The following SKIL variants were observed in gnomAD, a reference collection of about 807,000 sequenced individuals.
The protein encoded by SKIL is ski-like protein.
Under a neutral mutation model 69.6 loss-of-function variants are expected in SKIL, and 20 were observed. That is an observed-to-expected ratio of 0.29 (90% CI 0.20 to 0.42). The LOEUF (loss-of-function observed/expected upper bound fraction) is 0.42, where lower values mean the gene tolerates loss of function less well. Among genes scored for constraint, SKIL ranks in the 10% least tolerant of loss-of-function variants. The pLI is 1.00. For missense variants in SKIL, 745 were observed against 783.1 expected (o/e 0.95, Z 0.58); for synonymous variants, 310 against 279.9 (o/e 1.11, Z -1.08).
chr3:170,377,512 T>C (rs796491183), intron 2 of SKIL, among the ~76,000 whole-genome samples: 4 of 151,010 alleles, frequency 2.6e-5, no homozygotes, highest in African/African-American at 9.7e-5. Flanking sequence ...TGAGGTCTTA[T>C]TAGTATTTCA....
At chr3:170,384,035 G>GC (rs1419246034) in intron 3 of SKIL, among the ~76,000 whole-genome samples, 40 of 113,618 alleles carry the variant, frequency 3.5e-4, no homozygotes, top group African/African-American at 1.4e-3. Flanking sequence ...GAAATTACTT[G>GC]CCAAAAAAAA....
In SKIL at chr3:170,393,732, T is replaced by C. The variant is rs1486391122; in HGVS notation, c.*1315T>C. On this transcript the variant is annotated 3_prime_UTR_variant, in exon 7 of 7. Transcript: ENST00000259119. ...TAATTGACATTATTACCCCATGGAT[T>C]TTATGGGATAATAAATGTTTTTCAT... 6.6e-6 allele frequency: 1 copy of C among 152,182 alleles called. No homozygotes were observed. The highest frequency in any genetic ancestry group is 2.4e-5 in the African/African-American group (1 of 41,456). The allele number at this position is 152,182 out of a possible 1,614,324, so 9.4% of individuals were successfully genotyped here.
rs1183997173 is a variant in SKIL, at chr3:170,396,343, T to A, written c.*3926T>A. ...GTAGGACATCTTTTGAGGAATTAGT[T>A]TATGAGAAATAAAATTTTACTTGTT... On this transcript the variant is annotated 3_prime_UTR_variant, in exon 7 of 7. Coordinates refer to ENST00000259119, the MANE Select transcript of SKIL (RefSeq NM_005414.5). The A allele has an allele frequency of 1.3e-5, 2 of 152,148 alleles. No individual in the cohort carries two copies. Among genetic ancestry groups the A allele is most frequent in the Non-Finnish European group, 2.9e-5 (2 of 67,994 alleles). 9.4% of individuals were successfully genotyped at this position (152,148 alleles called of 1,614,324 possible).
In SKIL at chr3:170,393,592, C is replaced by T. The variant is rs542383909; in HGVS notation, c.*1175C>T. ...ACATCTTCTGCACTTTTTTTTTGCA[C>T]AGAAAAGTCTGTCATTCTCTAATGG... On this transcript the variant is annotated 3_prime_UTR_variant, in exon 7 of 7. Coordinates refer to ENST00000259119, the MANE Select transcript of SKIL (RefSeq NM_005414.5). 1.3e-5 allele frequency: 2 copies of T among 151,986 alleles called. No individual in the cohort carries two copies. Among genetic ancestry groups the T allele is most frequent in the Non-Finnish European group, 2.9e-5 (2 of 67,924 alleles). The allele number at this position is 151,986 out of a possible 1,614,324, so 9.4% of individuals were successfully genotyped here.
rs1251382129 is a variant in SKIL at position 170,360,535 on chromosome 3, T to C, written c.204T>C (p.His68=). ...GEAPVETDGE[H]VKRTCTSVPE... is the part of the protein sequence containing the mutation. ...CACCAGTGGAAACTGATGGAGAGCATGTTAAGCGAACCTGTACTTCTGTTC... is the reference window on the plus strand; with the variant it reads ...CACCAGTGGAAACTGATGGAGAGCACGTTAAGCGAACCTGTACTTCTGTTC... The change falls in exon 2 of 7, where the codon CAT becomes CAC. Residue 68 remains histidine, a synonymous_variant. Coordinates refer to ENST00000259119, the MANE Select transcript of SKIL (RefSeq NM_005414.5). 1.9e-6 allele frequency: 3 copies of C among 1,614,214 alleles called. No homozygotes were observed. The South Asian group carries it at 3.3e-5, about 18-fold the overall frequency.
rs373731935 is a variant in SKIL, at chr3:170,389,018, C to T, written c.1430-1205C>T. 2.4e-3 allele frequency among the ~76,000 whole-genome samples: 371 copies of T among 151,916 alleles called. 5 individuals are homozygous for T. The South Asian group carries it at 0.025, about 10-fold the overall frequency. Reference sequence around the variant, plus strand: ...CTGAGTAGCTGGGATTACAGGTGCGCGCCACCATGCCTGGCTAATTTTTTT... The same window carrying T: ...CTGAGTAGCTGGGATTACAGGTGCGTGCCACCATGCCTGGCTAATTTTTTT... On this transcript the variant is annotated intron_variant, in intron 4 of 6. Coordinates refer to ENST00000259119, the MANE Select transcript of SKIL (RefSeq NM_005414.5).
chr3:170,368,614 A>G (rs1427662244), intron 2 of SKIL, among the ~76,000 whole-genome samples: 4 of 152,196 alleles, frequency 2.6e-5, no homozygotes, highest in Non-Finnish European at 5.9e-5. Flanking sequence ...TACTATTGAA[A>G]TATTATGTAT....
At chr3:170,365,096 G>A (rs1416082696) in intron 2 of SKIL, among the ~76,000 whole-genome samples, 1 of 152,068 alleles carries the variant, frequency 6.6e-6, no homozygotes, top group East Asian at 1.9e-4. Flanking sequence ...ACCACTTCAC[G>A]TTTTAAAAAC....
intron 2 of SKIL, among the ~76,000 whole-genome samples, chr3:170,371,971 C>G (rs2108903130): frequency 6.6e-6 from 1 of 152,222 alleles, no homozygotes; most frequent in East Asian, 1.9e-4. Flanking sequence ...CAGAATAATC[C>G]AGGACTGTAA....
intron 4 of SKIL, among the ~76,000 whole-genome samples, chr3:170,386,508 C>G (rs933345493): frequency 9.9e-5 from 15 of 152,242 alleles, no homozygotes; most frequent in Middle Eastern, 3.4e-3. Context: ...CTCTGTTGCT[C>G]TAGGCTGGTG....
rs532848409 is a variant in SKIL at position 170,390,893 on chromosome 3, A to C, written c.1672-143A>C. The C allele has an allele frequency of 2.5e-4, 127 of 515,834 alleles. 1 individual carries two copies. Among genetic ancestry groups the C allele is most frequent in the African/African-American group, 2.4e-3 (119 of 50,506 alleles). 32.0% of individuals were successfully genotyped at this position (515,834 alleles called of 1,614,324 possible). On this transcript the variant is annotated intron_variant, in intron 5 of 6. Transcript: ENST00000259119. Reference sequence around the variant, plus strand: ...ATATTTTAAAATTTTTTGAGAAAATAGTTTTTTAAAATAATTACCTCTATA... The same window carrying C: ...ATATTTTAAAATTTTTTGAGAAAATCGTTTTTTAAAATAATTACCTCTATA...
intron 2 of SKIL, among the ~76,000 whole-genome samples, chr3:170,370,014 C>T (rs1319028296): frequency 3.3e-5 from 5 of 151,522 alleles, no homozygotes; most frequent in African/African-American, 1.2e-4. Context: ...CTGAGACGGG[C>T]GGATCATGAG....
chr3:170,374,112 C>G (rs1736915215), intron 2 of SKIL, among the ~76,000 whole-genome samples: 1 of 152,070 alleles, frequency 6.6e-6, no homozygotes, highest in Non-Finnish European at 1.5e-5. Flanking sequence ...ATCAAAGGGT[C>G]ACGTATACAG....
chr3:170,387,883 G>A (rs1433216495), intron 4 of SKIL, among the ~76,000 whole-genome samples: 6 of 120,212 alleles, frequency 5.0e-5, no homozygotes, highest in Non-Finnish European at 6.4e-5. Context: ...GCAGTGAGCC[G>A]AGATCCCGCC....
intron 2 of SKIL, among the ~76,000 whole-genome samples, chr3:170,367,880 A>G (rs1438739245): frequency 1.3e-5 from 2 of 152,228 alleles, no homozygotes; most frequent in African/African-American, 4.8e-5. Flanking sequence ...TGATACAAAC[A>G]GATGACCTAA....
intron 3 of SKIL, among the ~76,000 whole-genome samples, chr3:170,382,360 TA>T (rs1482576270): frequency 2.6e-5 from 4 of 152,028 alleles, no homozygotes. Flanking sequence ...TTTAATTTCT[TA>T]CTTTTCTTCA....
intron 4 of SKIL, among the ~76,000 whole-genome samples, chr3:170,387,933 CAA>C (rs541166783): frequency 2.0e-5 from 1 of 51,086 alleles, no homozygotes; most frequent in African/African-American, 8.0e-5. Flanking sequence ...GACTCCGTCT[CAA>C]AAAAAAAAAA....
chr3:170,383,359 A>C (rs559028142), intron 3 of SKIL, among the ~76,000 whole-genome samples: 128 of 152,378 alleles, frequency 8.4e-4, no homozygotes, highest in African/African-American at 2.4e-3. Flanking sequence ...AAGGGGAACA[A>C]TATAGATGTC....
intron 4 of SKIL, among the ~76,000 whole-genome samples, chr3:170,386,488 CAG>C (rs1238622544): frequency 1.3e-5 from 2 of 152,036 alleles, no homozygotes; most frequent in Non-Finnish European, 2.9e-5. Context: ...TTTTTAGAGA[CAG>C]AGTCTCACTC....
Sources: allele counts gnomAD v4.1 joint callset (sites outside exome capture counted in the v4.1 genomes callset), GRCh38; gene constraint gnomAD v4.1.1; transcripts MANE v1.5; gene names NCBI Gene and HGNC (gene_info 2026-07-23, HGNC 2026-07-21).